SMCO4: variants seen among roughly 807,000 people sequenced by gnomAD.
The protein encoded by SMCO4 is single-pass membrane and coiled-coil domain-containing protein 4.
In SMCO4, 4 loss-of-function variants were observed where a neutral mutation model predicts 3.6. The observed-to-expected ratio is 1.11, with a 90% CI of 0.54 to 2.53. The LOEUF (loss-of-function observed/expected upper bound fraction) is 2.53. Among genes scored for constraint, SMCO4 ranks in the 30% most tolerant of loss-of-function variants. The pLI is 0.02. For missense variants in SMCO4, 70 were observed against 80.8 expected, an observed-to-expected ratio of 0.87 and a Z score of 0.51; for synonymous variants, 36 against 35.3, an observed-to-expected ratio of 1.02 and a Z score of -0.07.
At chr11:93,480,916 T>C (rs1286511753) in intron 2 of SMCO4, among the ~76,000 whole-genome samples, 1 of 152,170 alleles carries the variant, frequency 6.6e-6, no homozygotes, top group Non-Finnish European at 1.5e-5. Flanking sequence ...AGGTATGAGA[T>C]GACAAATATT....
At chr11:93,506,646 T>C (rs1948905990) in intron 1 of SMCO4, among the ~76,000 whole-genome samples, 1 of 152,094 alleles carries the variant, frequency 6.6e-6, no homozygotes, top group African/African-American at 2.4e-5. Flanking sequence ...TTTCACCATG[T>C]TAGCCAGGAT....
intron 1 of SMCO4, among the ~76,000 whole-genome samples, chr11:93,526,987 C>G (rs2134626974): frequency 6.6e-6 from 1 of 152,332 alleles, no homozygotes; most frequent in Non-Finnish European, 1.5e-5. Context: ...AGACAGAATT[C>G]CGACACACAA....
intron 1 of SMCO4, among the ~76,000 whole-genome samples, chr11:93,516,156 AT>A (rs1949006018): frequency 6.6e-6 from 1 of 152,208 alleles, no homozygotes; most frequent in South Asian, 2.1e-4. Flanking sequence ...ACAAAAATTA[AT>A]TATAATTAAA....
At chr11:93,526,916 A>G (rs1431229945) in intron 1 of SMCO4, among the ~76,000 whole-genome samples, 2 of 152,208 alleles carry the variant, frequency 1.3e-5, no homozygotes, top group Non-Finnish European at 2.9e-5. Flanking sequence ...AGACCTGACA[A>G]GGCCACATAT....
Position 93,479,157 on chromosome 11 carries a change from C to A in SMCO4, c.33G>T (p.Glu11Asp). 6.2e-7 allele frequency: 1 copy of A among 1,614,100 alleles called. No homozygotes were observed. The highest frequency in any genetic ancestry group is 8.5e-7 in the Non-Finnish European group (1 of 1,180,030). Residue 11 changes from glutamate (E) to aspartate (D), a missense_variant, in exon 3 of 3, where the codon GAG becomes GAT. Physicochemically the swap from Glu to Asp is conservative, Grantham distance 45 (BLOSUM62 2). Transcript: ENST00000298966. ...TCCGCTCCTTCTTGTCCTTGGAGGT[C>A]TCCTTCTTGGGCTTCCCTTTGAGCT... MRQLKGKPKK[E>D]TSKDKKERKQ...
intron 2 of SMCO4, among the ~76,000 whole-genome samples, chr11:93,482,318 G>A (rs1048599614): frequency 6.6e-6 from 1 of 152,238 alleles, no homozygotes; most frequent in African/African-American, 2.4e-5. Flanking sequence ...GAGGGCATGG[G>A]CACTGGGGAA....
intron 1 of SMCO4, among the ~76,000 whole-genome samples, chr11:93,528,637 G>A (rs1433750797): frequency 3.6e-5 from 2 of 56,164 alleles, no homozygotes; most frequent in African/African-American, 1.6e-4. Context: ...ACTGTGACCA[G>A]GGAGACAGTG....
At chr11:93,547,703 C>T (rs1053000341), upstream of SMCO4, among the ~76,000 whole-genome samples, 3 of 152,060 alleles carry the variant, frequency 2.0e-5, no homozygotes, top group African/African-American at 4.8e-5. Flanking sequence ...ATAATATAAG[C>T]CTTGTGAGTC....
At chr11:93,484,413 G>C (rs1948624851) in intron 2 of SMCO4, among the ~76,000 whole-genome samples, 1 of 152,214 alleles carries the variant, frequency 6.6e-6, no homozygotes, top group Non-Finnish European at 1.5e-5. Flanking sequence ...TAGGAACACA[G>C]GTTTGAAGTC....
upstream of SMCO4, among the ~76,000 whole-genome samples, chr11:93,546,331 G>A (rs746232354): frequency 5.9e-5 from 9 of 152,108 alleles, no homozygotes; most frequent in Non-Finnish European, 1.2e-4. Flanking sequence ...AAAATCCTTT[G>A]GCAGTCAACA....
intron 2 of SMCO4, among the ~76,000 whole-genome samples, chr11:93,486,717 G>A (rs1156342215): frequency 2.0e-5 from 3 of 152,138 alleles, no homozygotes; most frequent in Non-Finnish European, 4.4e-5. Context: ...TGCCTGCCGA[G>A]AAGAGCTTGA....
At chr11:93,548,868 C>G in the SMCO4 span, among the ~76,000 whole-genome samples, 2 of 152,210 alleles carry the variant, frequency 1.3e-5, no homozygotes, top group South Asian at 4.1e-4. Context: ...TAAATACCCT[C>G]TAGAGGTTTC....
chr11:93,520,015 G>T (rs1012601033), intron 1 of SMCO4, among the ~76,000 whole-genome samples: 1 of 152,190 alleles, frequency 6.6e-6, no homozygotes, highest in Non-Finnish European at 1.5e-5. Context: ...GCAAAGGTTA[G>T]CAGGGCCAAC....
chr11:93,487,834 C>T (rs1054577776), intron 2 of SMCO4, among the ~76,000 whole-genome samples: 1 of 152,198 alleles, frequency 6.6e-6, no homozygotes, highest in Non-Finnish European at 1.5e-5. Context: ...GGTCTGTGAT[C>T]CTGGGCAAGT....
intron 2 of SMCO4, among the ~76,000 whole-genome samples, chr11:93,488,214 C>G (rs1378274558): frequency 6.6e-6 from 1 of 152,218 alleles, no homozygotes; most frequent in African/African-American, 2.4e-5. Flanking sequence ...GACCCATGCA[C>G]AGACCCTCAG....
At chr11:93,542,917 C>A (rs998683254) in intron 1 of SMCO4, among the ~76,000 whole-genome samples, 15 of 152,156 alleles carry the variant, frequency 9.9e-5, no homozygotes, top group Admixed American at 5.2e-4. Flanking sequence ...TGCACTGCGT[C>A]CCCCGGCCCC....
chr11:93,535,628 A>G, intron 1 of SMCO4: 5 of 1,585,746 alleles, frequency 3.2e-6, no homozygotes, highest in South Asian at 1.1e-5. Context: ...CCTGCAGACA[A>G]CAAGTGTCTG....
chr11:93,483,113 C>T (rs922317814), intron 2 of SMCO4, among the ~76,000 whole-genome samples: 3 of 151,786 alleles, frequency 2.0e-5, no homozygotes, highest in African/African-American at 4.8e-5. Flanking sequence ...GGGGTGGCTC[C>T]GTACTGTGAG....
intron 1 of SMCO4, among the ~76,000 whole-genome samples, chr11:93,529,088 T>C (rs1207290913): frequency 2.6e-5 from 4 of 152,192 alleles, no homozygotes. Flanking sequence ...AAGCAAAGCC[T>C]GCCTCCACAG....
Sources: allele counts gnomAD v4.1 joint callset (sites outside exome capture counted in the v4.1 genomes callset), GRCh38; gene constraint gnomAD v4.1.1; transcripts MANE v1.5; gene names NCBI Gene and HGNC (gene_info 2026-07-23, HGNC 2026-07-21).